Variants in ACOXL observed in about 807,000 individuals in gnomAD.
ACOXL encodes the protein acyl-coenzyme A oxidase-like protein.
Under a neutral mutation model 71.9 loss-of-function variants are expected in ACOXL, and 70 were observed. The observed-to-expected ratio is 0.97, with a 90% CI of 0.80 to 1.19. ACOXL has a LOEUF of 1.19. ACOXL is among the 50% of genes most tolerant of loss of function. The probability of loss-of-function intolerance (pLI) is 0.00; values close to 1 mark genes in which losing one functional copy is unlikely to be tolerated. For missense variants in ACOXL, 703 were observed against 736.3 expected, an observed-to-expected ratio of 0.95 and a Z score of 0.52; for synonymous variants, 253 against 281.6, an observed-to-expected ratio of 0.90 and a Z score of 1.02.
chr2:110,811,577 C>T (rs1464932234), intron 9 of ACOXL, among the ~76,000 whole-genome samples: 1 of 152,156 alleles, frequency 6.6e-6, no homozygotes, highest in African/African-American at 2.4e-5. Flanking sequence ...CTCATCTGCT[C>T]AGATGGAACA....
At chr2:110,973,673 G>T (rs1236651260) in intron 12 of ACOXL, among the ~76,000 whole-genome samples, 1 of 152,192 alleles carries the variant, frequency 6.6e-6, no homozygotes, top group African/African-American at 2.4e-5. Context: ...AGCTGGAGGT[G>T]GGGTTGTTTC....
At position 110,851,772 on chromosome 2, in the gene ACOXL, A is replaced by G. The variant is rs573461055; in HGVS notation, c.788+10367A>G. 3.0e-4 allele frequency among the ~76,000 whole-genome samples: 46 copies of G among 152,340 alleles called. 1 individual carries two copies. In the South Asian group the frequency reaches 8.7e-3, roughly 29 times the overall value. ...TGCCTGAGGCCATGTTCCTGAAGGC[A>G]TTGCTCATCTCAACCACCTGGAAAA... On this transcript the variant is annotated intron_variant, in intron 10 of 17. Transcript: ENST00000439055.
At chr2:110,785,925 A>G (rs1160593155) in intron 3 of ACOXL, among the ~76,000 whole-genome samples, 1 of 152,214 alleles carries the variant, frequency 6.6e-6, no homozygotes, top group Non-Finnish European at 1.5e-5. Context: ...ATCCTCTTCC[A>G]TACTTGGAAT....
chr2:110,897,439 C>T (rs770195331), intron 10 of ACOXL, among the ~76,000 whole-genome samples: 1 of 152,196 alleles, frequency 6.6e-6, no homozygotes, highest in Non-Finnish European at 1.5e-5. Flanking sequence ...TAAGGGCCCT[C>T]CTGCTATGTC....
chr2:110,985,649 T>G (rs965439281), intron 12 of ACOXL, among the ~76,000 whole-genome samples: 8 of 152,014 alleles, frequency 5.3e-5, no homozygotes, highest in African/African-American at 1.9e-4. Context: ...GAGGCGGCGG[T>G]GTCACTTGTG....
chr2:110,792,550 G>A (rs1684779543), intron 3 of ACOXL, among the ~76,000 whole-genome samples: 1 of 152,130 alleles, frequency 6.6e-6, no homozygotes, highest in Non-Finnish European at 1.5e-5. Flanking sequence ...AGCACTTCAG[G>A]AGGCCAAGGT....
At chr2:111,089,244 G>T (rs1402710906) in intron 16 of ACOXL, among the ~76,000 whole-genome samples, 6 of 152,196 alleles carry the variant, frequency 3.9e-5, no homozygotes, top group Non-Finnish European at 8.8e-5. Context: ...AGGTTGTAGT[G>T]AGCCAAGATT....
At chr2:110,964,145 C>G (rs2061828235) in intron 12 of ACOXL, among the ~76,000 whole-genome samples, 2 of 152,142 alleles carry the variant, frequency 1.3e-5, no homozygotes, top group South Asian at 4.1e-4. Context: ...GTTGAAGTCC[C>G]CATGTTGGCA....
chr2:110,934,395 G>C (rs1229189207), intron 12 of ACOXL, among the ~76,000 whole-genome samples: 2 of 152,216 alleles, frequency 1.3e-5, no homozygotes, highest in African/African-American at 4.8e-5. Flanking sequence ...TGGAACTCCA[G>C]ACCACACCCC....
At chr2:110,789,892 G>A (rs1429111735) in intron 3 of ACOXL, among the ~76,000 whole-genome samples, 1 of 152,262 alleles carries the variant, frequency 6.6e-6, no homozygotes, top group Non-Finnish European at 1.5e-5. Flanking sequence ...GCCTATTGCA[G>A]CCGGGGAGCC....
At chr2:110,912,178 G>A (rs548346986) in intron 11 of ACOXL, among the ~76,000 whole-genome samples, 30 of 152,078 alleles carry the variant, frequency 2.0e-4, no homozygotes, top group African/African-American at 7.0e-4. Context: ...ATGTTGTTAA[G>A]GTGACTATAC....
At chr2:111,099,214 C>T (rs2068979810) in intron 17 of ACOXL, 1 of 152,250 alleles carries the variant, frequency 6.6e-6, no homozygotes, top group African/African-American at 2.4e-5. Context: ...CCCAGTTGTT[C>T]AACCGAGGCC....
At chr2:110,855,204 A>G (rs1462680805) in intron 10 of ACOXL, among the ~76,000 whole-genome samples, 2 of 152,240 alleles carry the variant, frequency 1.3e-5, no homozygotes, top group Non-Finnish European at 2.9e-5. Flanking sequence ...CCAGTTGGCA[A>G]CAGTTATTCC....
At chr2:110,990,000 A>G (rs1003379417) in intron 13 of ACOXL, among the ~76,000 whole-genome samples, 1 of 152,172 alleles carries the variant, frequency 6.6e-6, no homozygotes, top group Non-Finnish European at 1.5e-5. Flanking sequence ...AGATTGCGCC[A>G]TTGCACTCCA....
chr2:111,072,202 C>T (rs182367400), intron 16 of ACOXL, among the ~76,000 whole-genome samples: 28 of 152,308 alleles, frequency 1.8e-4, no homozygotes, highest in Admixed American at 1.2e-3. Context: ...ATTTAACCAT[C>T]CTAAAATAAT....
intron 16 of ACOXL, among the ~76,000 whole-genome samples, chr2:111,056,737 G>A (rs893746968): frequency 6.2e-5 from 9 of 145,168 alleles, no homozygotes; most frequent in East Asian, 2.0e-4. Context: ...GCAGTGAGCC[G>A]AGATCGCACC....
intron 2 of ACOXL, among the ~76,000 whole-genome samples, chr2:110,779,419 C>T (rs974369886): frequency 1.3e-5 from 2 of 152,186 alleles, no homozygotes; most frequent in African/African-American, 4.8e-5. Flanking sequence ...GAGGAAGGAA[C>T]ACAATGTGAT....
At chr2:110,901,621 A>T (rs974376527) in intron 10 of ACOXL, among the ~76,000 whole-genome samples, 1 of 150,302 alleles carries the variant, frequency 6.7e-6, no homozygotes, top group Admixed American at 6.7e-5. Context: ...GTCTACTATC[A>T]AAGAAGCATA....
At chr2:110,867,328 G>A (rs545722172) in intron 10 of ACOXL, among the ~76,000 whole-genome samples, 1 of 152,258 alleles carries the variant, frequency 6.6e-6, no homozygotes, top group South Asian at 2.1e-4. Context: ...GTGGTAATGG[G>A]TGTGCTGGAG....
Sources: gnomAD v4.1 joint callset for allele counts (sites outside exome capture counted in the v4.1 genomes callset) on GRCh38, gnomAD v4.1.1 for gene constraint, MANE v1.5 for transcripts, NCBI Gene and HGNC (gene_info 2026-07-23, HGNC 2026-07-21) for gene names.